Variants in GNG2 observed in about 807,000 individuals in gnomAD.
GNG2 encodes guanine nucleotide-binding protein G(I)/G(S)/G(O) subunit gamma-2.
GNG2 carries 5 observed loss-of-function variants against 5.5 expected under a neutral mutation model. The ratio of observed to expected loss-of-function variants is 0.91; its 90% CI spans 0.48 to 1.92. The LOEUF (loss-of-function observed/expected upper bound fraction) is 1.92, where lower values mean the gene tolerates loss of function less well. Among genes scored for constraint, GNG2 ranks in the 30% most tolerant of loss-of-function variants. The pLI is 0.01. For missense variants in GNG2, 55 were observed against 88.4 expected (o/e 0.62, Z 1.52); for synonymous variants, 28 against 32.0 (o/e 0.88, Z 0.42).
intron 2 of GNG2, among the ~76,000 whole-genome samples, chr14:51,836,248 C>G (rs1175138767): frequency 6.6e-6 from 1 of 152,020 alleles, no homozygotes; most frequent in African/African-American, 2.4e-5. Flanking sequence ...CAAATGCCAT[C>G]ACACTGGGGG....
chr14:51,873,955 T>A (rs1478309485), intron 1 of GNG2: 1 of 152,218 alleles, frequency 6.6e-6, no homozygotes, highest in South Asian at 2.1e-4. Context: ...AGGGAGGTTA[T>A]GTGAGCTCTG....
intron 2 of GNG2, among the ~76,000 whole-genome samples, chr14:51,928,402 T>C (rs949529852): frequency 6.6e-6 from 1 of 152,106 alleles, no homozygotes; most frequent in Non-Finnish European, 1.5e-5. Flanking sequence ...GAACAGATAA[T>C]ATCATCCCAG....
chr14:51,871,871 C>T (rs911229735), intron 1 of GNG2, among the ~76,000 whole-genome samples: 10 of 152,186 alleles, frequency 6.6e-5, no homozygotes, highest in African/African-American at 2.4e-4. Flanking sequence ...ATGTGCTTAG[C>T]CATCAATATC....
At chr14:51,862,413 T>C (rs957895638) in intron 1 of GNG2, among the ~76,000 whole-genome samples, 1 of 152,218 alleles carries the variant, frequency 6.6e-6, no homozygotes, top group Non-Finnish European at 1.5e-5. Context: ...ATCATCTTCT[T>C]AGAGAAGAGA....
intron 2 of GNG2, among the ~76,000 whole-genome samples, chr14:51,844,085 T>C (rs1255364821): frequency 6.6e-6 from 1 of 152,230 alleles, no homozygotes; most frequent in African/African-American, 2.4e-5. Flanking sequence ...TCCTACTTTG[T>C]TCTCGTGGCT....
chr14:51,871,827 A>G (rs541753048), intron 1 of GNG2, among the ~76,000 whole-genome samples: 1 of 152,314 alleles, frequency 6.6e-6, no homozygotes, highest in South Asian at 2.1e-4. Context: ...TCATGAAGTA[A>G]TAGTCTGGGT....
intron 2 of GNG2, among the ~76,000 whole-genome samples, chr14:51,884,616 G>A (rs576351488): frequency 1.7e-4 from 26 of 152,290 alleles, no homozygotes; most frequent in Admixed American, 7.2e-4. Flanking sequence ...CTGCAGTAAA[G>A]GCTATGAAGT....
At chr14:51,895,972 G>A (rs1444303926) in intron 2 of GNG2, among the ~76,000 whole-genome samples, 22 of 152,358 alleles carry the variant, frequency 1.4e-4, no homozygotes, top group Non-Finnish European at 4.4e-5. Context: ...CCCCAGCTAT[G>A]TGGAACTGTA....
rs530706336 is a variant in GNG2 at position 51,869,051 on chromosome 14, A to G, written c.-71+8261A>G. Among the ~76,000 whole-genome samples the G allele has an allele frequency of 5.9e-5, 9 of 152,364 alleles. No homozygotes were observed. The South Asian group carries it at 1.9e-3, about 32-fold the overall frequency. ...ATTCCTGTTTTGGGGAACCAGGGAA[A>G]GCCTCCTAGAGGAGTCATTCAGACC... On this transcript the variant is annotated intron_variant, in intron 1 of 3. Coordinates refer to ENST00000556766, the MANE Select transcript of GNG2 (RefSeq NM_053064.5).
intron 3 of GNG2, among the ~76,000 whole-genome samples, chr14:51,965,729 C>T (rs1889854609): frequency 6.6e-6 from 1 of 152,114 alleles, no homozygotes; most frequent in Admixed American, 6.5e-5. Flanking sequence ...GGGAAATTGA[C>T]ATGGTTTTAG....
At chr14:51,889,579 CTT>C (rs948815369) in intron 2 of GNG2, among the ~76,000 whole-genome samples, 44 of 152,086 alleles carry the variant, frequency 2.9e-4, no homozygotes, top group African/African-American at 8.9e-4. Flanking sequence ...GTCTGAAAAA[CTT>C]TGGGAAAAAT....
At chr14:51,879,030 A>G (rs1024409497) in intron 2 of GNG2, among the ~76,000 whole-genome samples, 3 of 152,220 alleles carry the variant, frequency 2.0e-5, no homozygotes, top group Non-Finnish European at 4.4e-5. Flanking sequence ...CTTGGTTCAC[A>G]AAAGGCTGTG....
At chr14:51,865,729 C>T (rs538924537) in intron 1 of GNG2, among the ~76,000 whole-genome samples, 23 of 152,008 alleles carry the variant, frequency 1.5e-4, no homozygotes, top group South Asian at 4.2e-4. Flanking sequence ...AAAGAGTAGA[C>T]GGTTTACATT....
At chr14:51,931,128 G>A (rs996568488) in intron 2 of GNG2, among the ~76,000 whole-genome samples, 1 of 152,148 alleles carries the variant, frequency 6.6e-6, no homozygotes, top group African/African-American at 2.4e-5. Context: ...AGGAAAGAGA[G>A]AGAAAAAGAA....
At chr14:51,827,657 A>G (rs1881064590) in intron 1 of GNG2, 1 of 699,450 alleles carries the variant, frequency 1.4e-6, no homozygotes, top group East Asian at 2.7e-5. Context: ...GTATATGTTT[A>G]CATATCCCAG....
chr14:51,890,907 A>AGG (rs58145402), intron 2 of GNG2, among the ~76,000 whole-genome samples: 75,737 of 152,026 alleles, frequency 0.5, 19,287 homozygotes, highest in African/African-American at 0.6. Context: ...TGGTATATGA[A>AGG]ATTGAGTAGT....
rs373811222 is a variant in GNG2, at chr14:51,831,752, T to A, written c.64+3945T>A. ...TATAACTGAATTACTTCATGACCAATGCCAGCATAGTGTTATTTTGAAAAA... is the reference window on the plus strand; with the variant it reads ...TATAACTGAATTACTTCATGACCAAAGCCAGCATAGTGTTATTTTGAAAAA... On this transcript the variant is annotated intron_variant, in intron 2 of 3. Transcript: ENST00000553432. 4.9e-4 allele frequency among the ~76,000 whole-genome samples: 75 copies of A among 152,354 alleles called. 2 individuals carry two copies. In the South Asian group the frequency reaches 0.014, roughly 29 times the overall value.
intron 3 of GNG2, among the ~76,000 whole-genome samples, chr14:51,952,709 C>T (rs989723838): frequency 3.3e-5 from 5 of 152,182 alleles, no homozygotes; most frequent in African/African-American, 1.2e-4. Context: ...AGAAATAGAG[C>T]TTTTCAGAAA....
At chr14:51,899,247 T>G (rs1239423298) in intron 2 of GNG2, among the ~76,000 whole-genome samples, 3 of 152,294 alleles carry the variant, frequency 2.0e-5, no homozygotes, top group Non-Finnish European at 4.4e-5. Context: ...CCATCAGCTC[T>G]TGACTGGCTT....
Sources: gnomAD v4.1 joint callset for allele counts (sites outside exome capture counted in the v4.1 genomes callset) on GRCh38, gnomAD v4.1.1 for gene constraint, MANE v1.5 for transcripts, NCBI Gene and HGNC (gene_info 2026-07-23, HGNC 2026-07-21) for gene names.